The following RASGRP4 variants were observed in gnomAD, a reference collection of about 807,000 sequenced individuals.
RASGRP4 encodes the protein RAS guanyl-releasing protein 4.
In RASGRP4, 52 loss-of-function variants were observed where a neutral mutation model predicts 84.4. The observed-to-expected ratio is 0.62, with a 90% CI of 0.49 to 0.78. RASGRP4 has a LOEUF of 0.78. Ranked by LOEUF, RASGRP4 falls within the 30% of genes least tolerant of loss-of-function variation. The probability of loss-of-function intolerance (pLI) is 0.00; values close to 1 mark genes in which losing one functional copy is unlikely to be tolerated. For missense variants in RASGRP4, 760 were observed against 886.9 expected, an observed-to-expected ratio of 0.86 and a Z score of 1.82; for synonymous variants, 356 against 359.1, an observed-to-expected ratio of 0.99 and a Z score of 0.10.
Position 38,414,764 on chromosome 19 carries a change from T to C in RASGRP4, c.1230+84A>G, listed in dbSNP as rs1412094369. 2.2e-6 allele frequency: 3 copies of C among 1,368,106 alleles called. No homozygotes were observed. In the Admixed American group the frequency reaches 8.1e-5, roughly 37 times the overall value. The allele number at this position is 1,368,106 out of a possible 1,614,324, so 84.7% of individuals were successfully genotyped here. A position where few individuals can be genotyped will look rare whatever the true frequency, so the allele number is the denominator to read the frequency against. ...CATGCACTCCAGCACTTTTCTATCC[T>C]GGTCCTGGAGACACTCACACACCCA... On this transcript the variant is annotated intron_variant, in intron 9 of 16. Transcript: ENST00000615439.
Position 38,411,145 on chromosome 19 carries a change from G to A in RASGRP4, c.1822C>T (p.Pro608Ser). ...GDAGPPGAPV[P>S]STPAPHASCG... ...CTGGCATGGGGAGCTGGTGTGGATG[G>A]GACAGGAGCTCCGGGGGGTCCTGCA... is the stretch of plus-strand genomic sequence containing the variant. The change falls in exon 15 of 17, where the codon CCA becomes TCA. Residue 608 changes from proline to serine, a missense_variant. Coordinates refer to ENST00000615439, the MANE Select transcript of RASGRP4 (RefSeq NM_170604.3). 6.2e-7 allele frequency: 1 copy of A among 1,613,788 alleles called. No individual in the cohort carries two copies. Among genetic ancestry groups the A allele is most frequent in the Non-Finnish European group, 8.5e-7 (1 of 1,179,864 alleles).
At chr19:38,422,183 G>A (rs376113991) in intron 1 of RASGRP4, 30 bp from the exon 2 acceptor site, 72 of 1,578,894 alleles carry the variant, frequency 4.6e-5, no homozygotes, top group Non-Finnish European at 6.1e-5. Context: ...GGAGTCATGG[G>A]AGCACCTTCT....
At chr19:38,422,869 A>C (rs1016024029) in intron 1 of RASGRP4, among the ~76,000 whole-genome samples, 1 of 151,900 alleles carries the variant, frequency 6.6e-6, no homozygotes, top group Non-Finnish European at 1.5e-5. Context: ...CTTCCACAAA[A>C]CTGGTCCCTG....
chr19:38,421,541 G>A (rs1274676276), intron 2 of RASGRP4, among the ~76,000 whole-genome samples: 1 of 151,942 alleles, frequency 6.6e-6, no homozygotes, highest in East Asian at 1.9e-4. Context: ...GTGAAACACC[G>A]TTTCTACTAA....
At chr19:38,414,808 C>A in intron 9 of RASGRP4, 40 bp downstream of exon 9, 1 of 1,539,526 alleles carries the variant, frequency 6.5e-7, no homozygotes, top group Non-Finnish European at 8.8e-7. Context: ...TATCTCAGTA[C>A]CCTTGGAAGC....
Position 38,412,131 on chromosome 19 carries a change from GTTT to G in RASGRP4, c.1680+538_1680+540del, listed in dbSNP as rs1449227526. Among the ~76,000 whole-genome samples, 1 of 140,598 alleles carries G rather than the reference GTTT, an allele frequency of 7.1e-6. No homozygotes were observed. The allele number at this position is 140,598 out of a possible 152,430, so 92.2% of individuals were successfully genotyped here. A position where few individuals can be genotyped will look rare whatever the true frequency, so the allele number is the denominator to read the frequency against. The stretch of plus-strand genomic sequence containing the variant: ...TGTTGTTGTTGTTGTTGTTGTTGTT[GTTT>G]TTGAGACAGAATCTCGCTCTGTCAC... On this transcript the variant is annotated intron_variant, in intron 13 of 16. Coordinates refer to ENST00000615439, the MANE Select transcript of RASGRP4 (RefSeq NM_170604.3). This position sits in a 1 kb window ranked among gnomAD's most constrained non-coding sequence, Gnocchi z 4.6.
chr19:38,411,082 C>T (rs771002580), intron 15 of RASGRP4, 33 bp downstream of exon 15: 3 of 1,609,596 alleles, frequency 1.9e-6, no homozygotes, highest in Non-Finnish European at 2.5e-6. Context: ...TCCCCCAGGC[C>T]CCTTCCCAGC....
At position 38,418,028 on chromosome 19, in the gene RASGRP4, C is replaced by A. The variant is rs1971574488; in HGVS notation, c.837+363G>T. 6.6e-6 allele frequency among the ~76,000 whole-genome samples: 1 copy of A among 151,050 alleles called. No individual in the cohort carries two copies. The highest frequency in any genetic ancestry group is 6.6e-5 in the Admixed American group (1 of 15,208). On this transcript the variant is annotated intron_variant, in intron 7 of 16. Coordinates refer to ENST00000615439, the MANE Select transcript of RASGRP4 (RefSeq NM_170604.3). This position sits in a 1 kb window ranked among gnomAD's most constrained non-coding sequence, Gnocchi z 4.6. The stretch of plus-strand genomic sequence containing the variant: ...CGCAATGGGGAGCGATGCACAATCC[C>A]GAAGCGACCGCTGGGGCCTGGGGAC...
At position 38,420,003 on chromosome 19, in the gene RASGRP4, C is replaced by T. The variant is rs1307358618; in HGVS notation, c.520G>A (p.Gly174Ser). 1 of 1,613,698 alleles carries T rather than the reference C, an allele frequency of 6.2e-7. No individual in the cohort carries two copies. Among genetic ancestry groups the T allele is most frequent in the East Asian group, 2.2e-5 (1 of 44,864 alleles). ...ATTGGGAGTGGGGGGCCAGGGCCAC[C>T]AGGGCTCAGGCTGGGGGCCAAGAGG... ...LGDSSDLLSP[G>S]GPGPPLPMSS... The change falls in exon 6 of 17, where the codon GGT (glycine) becomes AGT (serine). Residue 174 changes from glycine to serine, a missense_variant. Coordinates refer to ENST00000615439, the MANE Select transcript of RASGRP4 (RefSeq NM_170604.3).
In RASGRP4 at chr19:38,409,994, A is replaced by G; in HGVS notation, c.*46T>C. On this transcript the variant is annotated 3_prime_UTR_variant, in exon 17 of 17. Coordinates refer to ENST00000615439, the MANE Select transcript of RASGRP4 (RefSeq NM_170604.3). ...CCAGAGTCTGACGGCAGGACTCAGG[A>G]CTGACTGGGGGAAGGGAGTGAGGAA... 1 of 1,541,006 alleles carries G rather than the reference A, an allele frequency of 6.5e-7. No individual in the cohort carries two copies. The highest frequency in any genetic ancestry group is 8.9e-7 in the Non-Finnish European group (1 of 1,123,986).
At chr19:38,420,036 T>C (rs762284558) in intron 5 of RASGRP4, 23 bp from the exon 6 acceptor site, 12 of 1,611,132 alleles carry the variant, frequency 7.4e-6, no homozygotes, top group Non-Finnish European at 8.5e-7. Context: ...AGGGGCAGGG[T>C]ATTGGAGTGG....
chr19:38,411,372 C>T lies in RASGRP4; in HGVS notation c.1690G>A (p.Val564Ile). The change falls in exon 14 of 17, where the codon GTC (valine) becomes ATC (isoleucine). Residue 564 changes from valine to isoleucine, a missense_variant. Transcript: ENST00000615439. The stretch of plus-strand genomic sequence containing the variant: ...CGACAGCGGTAGCCTTGCTTGGTGA[C>T]ACCCCAGAGCTGGGAAGAGAAAGGA... ...CDSCSGFLWGVTKQGYRCREC... is the reference protein window; with the variant it reads ...CDSCSGFLWGITKQGYRCREC... The T allele has an allele frequency of 6.3e-7, 1 of 1,580,702 alleles. No individual in the cohort carries two copies. The highest frequency in any genetic ancestry group is 8.6e-7 in the Non-Finnish European group (1 of 1,161,568).
At chr19:38,410,864 G>A (rs777268558) in intron 16 of RASGRP4, 22 bp downstream of exon 16, 1 of 1,528,832 alleles carries the variant, frequency 6.5e-7, no homozygotes, top group South Asian at 1.2e-5. Flanking sequence ...TCCACTTGGG[G>A]GTAGGGGCGG....
chr19:38,422,129 T>G lies in RASGRP4; in HGVS notation c.48A>C (p.Gly16=). 4 of 1,611,352 alleles carry G rather than the reference T, an allele frequency of 2.5e-6. No homozygotes were observed. Among genetic ancestry groups the G allele is most frequent in the Non-Finnish European group, 3.4e-6 (4 of 1,179,116 alleles). Residue 16 remains glycine, a synonymous_variant, in exon 2 of 17, where the codon GGA becomes GGC. Transcript: ENST00000615439. ...GGGGCCGGCCTCGCCCTCCTATTTT[T>G]CCGGTGCATTCCTGGTGGGACTTCC... ...SKRKSHQECT[G]KIGGRGRPRQ...
intron 16 of RASGRP4, among the ~76,000 whole-genome samples, chr19:38,410,414 CTTT>C (rs1001083743): frequency 5.9e-5 from 8 of 135,970 alleles, no homozygotes; most frequent in South Asian, 2.3e-4. Context: ...TTCTATTTTT[CTTT>C]TTTTTTTTTT....
At position 38,422,034 on chromosome 19, in the gene RASGRP4, A is replaced by G; in HGVS notation, c.143T>C (p.Leu48Pro). The G allele has an allele frequency of 1.2e-6, 2 of 1,613,622 alleles. No individual in the cohort carries two copies. The highest frequency in any genetic ancestry group is 1.7e-6 in the Non-Finnish European group (2 of 1,179,780). The change falls in exon 2 of 17, where the codon CTG becomes CCG. Residue 48 changes from leucine to proline, a missense_variant. Transcript: ENST00000615439. ...EISKVMASMN[L>P]GLLSEGGCSE... ...GCAGCCGCCCTCACTCAGCAGGCCC[A>G]GGTTCATGGAAGCCATGACCTTGCT...
At position 38,420,796 on chromosome 19, in the gene RASGRP4, G is replaced by T. The variant is rs1247305823; in HGVS notation, c.377+112C>A. On this transcript the variant is annotated intron_variant, in intron 4 of 16. Coordinates refer to ENST00000615439, the MANE Select transcript of RASGRP4 (RefSeq NM_170604.3). ...CAGAAGTGGGATTTTGGCCTGTGGG[G>T]CTGGTTGGGTCTGTGGGAACTGGCC... is the stretch of plus-strand genomic sequence containing the variant. 4.6e-6 allele frequency: 5 copies of T among 1,081,484 alleles called. No homozygotes were observed. In the African/African-American group the frequency reaches 6.2e-5, roughly 13 times the overall value. 67.0% of individuals were successfully genotyped at this position (1,081,484 alleles called of 1,614,324 possible). A position where few individuals can be genotyped will look rare whatever the true frequency, so the allele number is the denominator to read the frequency against.
chr19:38,418,273 G>A lies in RASGRP4; in HGVS notation c.837+118C>T. ...TGCCCAGGCTGTGGCCTCGGGGGCG[G>A]GGCCGGGAGATGCGTGACGTCACCG... On this transcript the variant is annotated intron_variant, in intron 7 of 16. Coordinates refer to ENST00000615439, the MANE Select transcript of RASGRP4 (RefSeq NM_170604.3). The surrounding 1 kb of genome is among the most constrained non-coding windows in gnomAD (Gnocchi z 4.6). 1 of 1,067,880 alleles carries A rather than the reference G, an allele frequency of 9.4e-7. No individual in the cohort carries two copies. The highest frequency in any genetic ancestry group is 1.4e-6 in the Non-Finnish European group (1 of 731,590). The allele number at this position is 1,067,880 out of a possible 1,614,324, so 66.2% of individuals were successfully genotyped here. A position where few individuals can be genotyped will look rare whatever the true frequency, so the allele number is the denominator to read the frequency against.
chr19:38,418,265 C>T lies in RASGRP4; in HGVS notation c.837+126G>A, dbSNP rs534059188. ...GGTTGGAATGCCCAGGCTGTGGCCT[C>T]GGGGGCGGGGCCGGGAGATGCGTGA... On this transcript the variant is annotated intron_variant, in intron 7 of 16. Coordinates refer to ENST00000615439, the MANE Select transcript of RASGRP4 (RefSeq NM_170604.3). This position sits in a 1 kb window ranked among gnomAD's most constrained non-coding sequence, Gnocchi z 4.6. The T allele has an allele frequency of 7.1e-6, 7 of 986,982 alleles. No homozygotes were observed. In the South Asian group the frequency reaches 9.4e-5, roughly 13 times the overall value. 61.1% of individuals were successfully genotyped at this position (986,982 alleles called of 1,614,324 possible).
Sources: allele counts gnomAD v4.1 joint callset (sites outside exome capture counted in the v4.1 genomes callset), GRCh38; gene constraint gnomAD v4.1.1; non-coding constraint Gnocchi (gnomAD v3.1); transcripts MANE v1.5; gene names NCBI Gene and HGNC (gene_info 2026-07-23, HGNC 2026-07-21).